Variants in CAMTA1 observed in about 807,000 individuals in gnomAD.
The protein encoded by CAMTA1 is calmodulin-binding transcription activator 1.
In CAMTA1, 27 loss-of-function variants were observed where a neutral mutation model predicts 170.9. The ratio of observed to expected loss-of-function variants is 0.16; its 90% confidence interval spans 0.12 to 0.22. The LOEUF (loss-of-function observed/expected upper bound fraction) is 0.22. Among genes scored for constraint, CAMTA1 ranks in the 10% least tolerant of loss-of-function variants. The pLI, the probability that CAMTA1 is intolerant of heterozygous loss-of-function variation, is 1.00. For missense variants in CAMTA1, 1,619 were observed against 2,217.2 expected (o/e 0.73, Z 5.42); for synonymous variants, 833 against 891.5 (o/e 0.93, Z 1.17).
rs1280521026 is a variant in CAMTA1, at chr1:7,635,586, G to A, written c.511-4814G>A. 3.3e-5 allele frequency among the ~76,000 whole-genome samples: 5 copies of A among 150,746 alleles called. No individual in the cohort carries two copies. Among genetic ancestry groups the A allele is most frequent in the Non-Finnish European group, 5.9e-5 (4 of 67,828 alleles). On this transcript the variant is annotated intron_variant, in intron 6 of 22. Coordinates refer to ENST00000303635, the MANE Select transcript of CAMTA1 (RefSeq NM_015215.4). This position sits in a 1 kb window ranked among gnomAD's most constrained non-coding sequence, Gnocchi z 4.4. ...ATCGCGCCACTGCACTCCAGCCTGG[G>A]GGACAGAGCAAGACTCCGTCTCAAA...
intron 3 of CAMTA1, among the ~76,000 whole-genome samples, chr1:7,022,905 C>T (rs1179101195): frequency 2.6e-5 from 4 of 152,084 alleles, no homozygotes; most frequent in Non-Finnish European, 5.9e-5. Context: ...TGGGAGATTT[C>T]CAGGTGCCGG....
intron 6 of CAMTA1, among the ~76,000 whole-genome samples, chr1:7,622,014 C>T (rs1045235817): frequency 3.3e-5 from 5 of 152,168 alleles, no homozygotes; most frequent in African/African-American, 9.7e-5. Context: ...ACTGTCAGAT[C>T]GGGAGTTAGT....
chr1:7,677,691 C>T lies in CAMTA1; in HGVS notation c.2872C>T (p.Pro958Ser), dbSNP rs140124281. ...GTTTGAGTACAAAGCCCGGGCTCTG[C>T]CCACGCTCCCTTCCTCCCAGCACGA... ...VVFEYKARAL[P>S]TLPSSQHDWL... Residue 958 changes from proline to serine, a missense_variant, in exon 11 of 23, where the codon CCC becomes TCC. By Grantham distance (74) the Pro-to-Ser change is moderately conservative (BLOSUM62 -1). Transcript: ENST00000303635. 1.9e-6 allele frequency: 3 copies of T among 1,613,990 alleles called. No homozygotes were observed. Among genetic ancestry groups the T allele is most frequent in the African/African-American group, 2.7e-5 (2 of 74,940 alleles).
intron 3 of CAMTA1, among the ~76,000 whole-genome samples, chr1:6,834,037 C>T (rs896749228): frequency 8.6e-5 from 13 of 151,936 alleles, no homozygotes; most frequent in African/African-American, 9.7e-5. Context: ...TAGGTGATGG[C>T]GCTTGGTGAC....
In CAMTA1 at chr1:7,762,827, T is replaced by C. The variant is rs542053727; in HGVS notation, c.4990-3632T>C. On this transcript the variant is annotated intron_variant, in intron 22 of 22. Coordinates refer to ENST00000303635, the MANE Select transcript of CAMTA1 (RefSeq NM_015215.4). ...GGGTCTTCCCCCACCAAGAATGTTT[T>C]TTATTAATAAAATCAATATAGTGTC... Among the ~76,000 whole-genome samples the C allele has an allele frequency of 8.7e-4, 133 of 152,360 alleles. 1 individual carries two copies. Among genetic ancestry groups the C allele is most frequent in the Admixed American group, 3.7e-3 (57 of 15,310 alleles).
intron 3 of CAMTA1, among the ~76,000 whole-genome samples, chr1:6,958,426 AG>A (rs1190842683): frequency 6.6e-6 from 1 of 152,096 alleles, no homozygotes; most frequent in East Asian, 1.9e-4. Context: ...AGCCTGGCGG[AG>A]AGGCAGCTGG....
At chr1:7,239,635 A>ATTTTTTTTTTTTTTTTTTTTTTT (rs34166595) in intron 4 of CAMTA1, among the ~76,000 whole-genome samples, 1 of 103,978 alleles carries the variant, frequency 9.6e-6, no homozygotes. Context: ...TTCAAGGTCA[A>ATTTTTTTTTTTTTTTTTTTTTTT]TTTTTTTTTT....
intron 19 of CAMTA1, among the ~76,000 whole-genome samples, chr1:7,749,967 GC>G (rs1284979262): frequency 6.6e-6 from 1 of 152,190 alleles, no homozygotes; most frequent in African/African-American, 2.4e-5. Flanking sequence ...TGGTTATTCA[GC>G]TGGAGTGGGT....
chr1:7,043,838 C>T (rs1456540151), intron 3 of CAMTA1, among the ~76,000 whole-genome samples: 1 of 152,164 alleles, frequency 6.6e-6, no homozygotes, highest in Non-Finnish European at 1.5e-5. Context: ...TGAGACTGCT[C>T]ACGCACTGGT....
At chr1:7,705,088 C>T (rs1178740801) in intron 11 of CAMTA1, among the ~76,000 whole-genome samples, 1 of 149,864 alleles carries the variant, frequency 6.7e-6, no homozygotes, top group African/African-American at 2.5e-5. Flanking sequence ...GTGCGCGGAC[C>T]GGGCGTGTTT....
At chr1:7,631,678 G>A (rs904812590) in intron 6 of CAMTA1, among the ~76,000 whole-genome samples, 5 of 152,164 alleles carry the variant, frequency 3.3e-5, no homozygotes, top group African/African-American at 7.2e-5. Context: ...TGCAGGGGCC[G>A]GCAGATCCTG....
intron 3 of CAMTA1, among the ~76,000 whole-genome samples, chr1:6,930,370 CAGAT>C (rs1417625038): frequency 1.3e-5 from 2 of 152,172 alleles, no homozygotes; most frequent in African/African-American, 2.4e-5. Flanking sequence ...GTGGCAGAAA[CAGAT>C]AGGCCACCCT....
intron 11 of CAMTA1, among the ~76,000 whole-genome samples, chr1:7,708,486 A>G (rs1195506586): frequency 6.6e-6 from 1 of 152,190 alleles, no homozygotes; most frequent in Non-Finnish European, 1.5e-5. Context: ...CAACAGCAAG[A>G]CCCTGATTCA....
At chr1:6,898,983 A>AC (rs1271250199) in intron 3 of CAMTA1, among the ~76,000 whole-genome samples, 8 of 152,032 alleles carry the variant, frequency 5.3e-5, no homozygotes, top group Non-Finnish European at 8.8e-5. Context: ...GTACCTGAGT[A>AC]CCCACAAGCT....
At chr1:7,074,878 A>T (rs1572862607) in intron 3 of CAMTA1, among the ~76,000 whole-genome samples, 1 of 152,210 alleles carries the variant, frequency 6.6e-6, no homozygotes, top group East Asian at 1.9e-4. Flanking sequence ...GAAGGGACAG[A>T]CACCCTTTAG....
At position 6,835,794 on chromosome 1, in the gene CAMTA1, A is replaced by C. The variant is rs146868884; in HGVS notation, c.234+10584A>C. 5.2e-3 allele frequency among the ~76,000 whole-genome samples: 791 copies of C among 152,328 alleles called. 5 individuals carry two copies. The highest frequency in any genetic ancestry group is 0.017 in the African/African-American group (713 of 41,564). ...TTTCTCATGTCTTTAGCTAGTAGGC[A>C]CCTAAAAGTTGTAGAATGCATAGGT... On this transcript the variant is annotated intron_variant, in intron 3 of 22. Transcript: ENST00000303635.
intron 3 of CAMTA1, among the ~76,000 whole-genome samples, chr1:6,979,168 G>A (rs1164911277): frequency 6.6e-6 from 1 of 152,180 alleles, no homozygotes; most frequent in Admixed American, 6.5e-5. Context: ...ACATTGGGGA[G>A]AGCTGGAGGG....
At chr1:7,180,356 C>A (rs1314761292) in intron 4 of CAMTA1, among the ~76,000 whole-genome samples, 3 of 124,904 alleles carry the variant, frequency 2.4e-5, no homozygotes, top group African/African-American at 9.2e-5. Flanking sequence ...GAAACTACAT[C>A]TCAAAAAAAA....
At chr1:7,648,041 C>T (rs1278355800) in intron 7 of CAMTA1, among the ~76,000 whole-genome samples, 3 of 152,056 alleles carry the variant, frequency 2.0e-5, no homozygotes, top group Admixed American at 6.6e-5. Context: ...GCTGAGATGG[C>T]GCCACTGCAC....
Sources: allele counts gnomAD v4.1 joint callset (sites outside exome capture counted in the v4.1 genomes callset), GRCh38; gene constraint gnomAD v4.1.1; non-coding constraint Gnocchi (gnomAD v3.1); transcripts MANE v1.5; gene names NCBI Gene and HGNC (gene_info 2026-07-23, HGNC 2026-07-21).